Variants in KCNJ16 observed in about 807,000 individuals in gnomAD.
KCNJ16 encodes inward rectifier potassium channel 16.
Under a neutral mutation model 18.5 loss-of-function variants are expected in KCNJ16, and 15 were observed. That is an observed-to-expected ratio of 0.81 (90% CI 0.54 to 1.25). The LOEUF is 1.25. Ranked by LOEUF, KCNJ16 falls within the 50% of genes most tolerant of loss-of-function variation. KCNJ16 has a pLI of 0.00. For synonymous variants in KCNJ16, 174 were observed against 186.5 expected (o/e 0.93, Z 0.55); for missense variants, 523 against 525.7 (o/e 0.99, Z 0.05).
intron 2 of KCNJ16, chr17:70,101,050 T>C (rs773111962): frequency 2.0e-5 from 3 of 152,230 alleles, no homozygotes; most frequent in Admixed American, 1.3e-4. Flanking sequence ...CAGTCTATTA[T>C]ACATTCTGCT....
chr17:70,095,452 A>C (rs528228607), intron 1 of KCNJ16, among the ~76,000 whole-genome samples: 2 of 152,286 alleles, frequency 1.3e-5, no homozygotes, highest in Admixed American at 1.3e-4. Context: ...CCATTTATAG[A>C]GGAAGCCCGG....
At chr17:70,108,277 G>GT (rs1429824374) in intron 2 of KCNJ16, 2 of 152,278 alleles carry the variant, frequency 1.3e-5, no homozygotes, top group Non-Finnish European at 2.9e-5. Flanking sequence ...TTTCTTCTCT[G>GT]TTTTTTCTTT....
chr17:70,097,511 T>G (rs758430742), intron 1 of KCNJ16, among the ~76,000 whole-genome samples: 3 of 152,162 alleles, frequency 2.0e-5, no homozygotes, highest in Non-Finnish European at 4.4e-5. Flanking sequence ...GCACCAGGAA[T>G]GCTTTTTAAA....
intron 1 of KCNJ16, among the ~76,000 whole-genome samples, chr17:70,087,779 GTTGT>G (rs201466162): frequency 0.043 from 6,530 of 152,030 alleles, 114 homozygotes; most frequent in Middle Eastern, 0.061. Context: ...TACCACAAAT[GTTGT>G]TTGTTATTTT....
rs2074173177 is a variant in KCNJ16, at chr17:70,134,795, G to A, written c.*1451G>A. The A allele has an allele frequency of 6.0e-6, 1 of 166,752 alleles. No individual in the cohort carries two copies. Among genetic ancestry groups the A allele is most frequent in the Non-Finnish European group, 1.5e-5 (1 of 68,066 alleles). The allele number at this position is 166,752 out of a possible 1,614,324, so 10.3% of individuals were successfully genotyped here. On this transcript the variant is annotated 3_prime_UTR_variant, in exon 4 of 4. Transcript: ENST00000392671. ...CACACACACAGTTTTTGCTTTTTCTGGAAAATCTTTCTTTCTCTTCTCTCT... is the reference window on the plus strand; with the variant it reads ...CACACACACAGTTTTTGCTTTTTCTAGAAAATCTTTCTTTCTCTTCTCTCT...
intron 1 of KCNJ16, among the ~76,000 whole-genome samples, chr17:70,088,919 TA>T (rs2071960925): frequency 6.6e-6 from 1 of 152,308 alleles, no homozygotes; most frequent in Admixed American, 6.5e-5. Context: ...GTCCTCAGTT[TA>T]AAAAGTCAAT....
At chr17:70,101,899 G>A (rs997663475) in intron 2 of KCNJ16, 9 of 152,080 alleles carry the variant, frequency 5.9e-5, no homozygotes, top group African/African-American at 2.2e-4. Context: ...TTTAGTTAAC[G>A]TTTACTGAAA....
chr17:70,117,674 G>A (rs1018133754), intron 2 of KCNJ16, among the ~76,000 whole-genome samples: 8 of 152,098 alleles, frequency 5.3e-5, no homozygotes, highest in Non-Finnish European at 1.2e-4. Flanking sequence ...AAATTTCCTT[G>A]AGGATAAATA....
chr17:70,089,780 T>C (rs1016186228), intron 1 of KCNJ16, among the ~76,000 whole-genome samples: 1 of 152,232 alleles, frequency 6.6e-6, no homozygotes, highest in African/African-American at 2.4e-5. Context: ...AAAAGTTAGT[T>C]ACTCCAGTAT....
At chr17:70,086,190 C>A (rs1276214233) in intron 1 of KCNJ16, among the ~76,000 whole-genome samples, 4 of 152,230 alleles carry the variant, frequency 2.6e-5, no homozygotes, top group Middle Eastern at 3.4e-3. Context: ...GAAATACTTA[C>A]AATGAGAATT....
intron 2 of KCNJ16, among the ~76,000 whole-genome samples, chr17:70,129,595 T>C (rs2073986259): frequency 6.6e-6 from 1 of 152,218 alleles, no homozygotes; most frequent in Non-Finnish European, 1.5e-5. Flanking sequence ...GATGAGTGTA[T>C]AGACCTAAAC....
chr17:70,096,404 T>G (rs2072374950), intron 1 of KCNJ16, among the ~76,000 whole-genome samples: 1 of 152,180 alleles, frequency 6.6e-6, no homozygotes, highest in South Asian at 2.1e-4. Flanking sequence ...CCATTGAAAT[T>G]CTGCCAATAC....
chr17:70,103,937 C>CTTTT (rs71149820), intron 2 of KCNJ16, among the ~76,000 whole-genome samples: 1 of 132,014 alleles, frequency 7.6e-6, no homozygotes. Flanking sequence ...ATTTTATTAT[C>CTTTT]TTTTTTTTTT....
At chr17:70,107,373 A>G (rs963795136) in intron 2 of KCNJ16, among the ~76,000 whole-genome samples, 1 of 152,202 alleles carries the variant, frequency 6.6e-6, no homozygotes, top group African/African-American at 2.4e-5. Context: ...TTCAAGATGC[A>G]ACACACCCAA....
At chr17:70,093,150 T>G in intron 1 of KCNJ16, among the ~76,000 whole-genome samples, 1 of 152,166 alleles carries the variant, frequency 6.6e-6, no homozygotes, top group South Asian at 2.1e-4. Flanking sequence ...TGAAATAACC[T>G]TTTGGACGCA....
At position 70,085,324 on chromosome 17, in the gene KCNJ16, T is replaced by G. The variant is rs377435895; in HGVS notation, c.-300+9934T>G. 1.3e-4 allele frequency among the ~76,000 whole-genome samples: 20 copies of G among 152,334 alleles called. No individual in the cohort carries two copies. The East Asian group carries it at 1.3e-3, about 10-fold the overall frequency. ...ACCATTCTAAATGCTTTAAAAATAT[T>G]GATTCGGTCTTCATAACAGACTTTA... is the stretch of plus-strand genomic sequence containing the variant. On this transcript the variant is annotated intron_variant, in intron 1 of 3. Transcript: ENST00000392671.
At chr17:70,090,072 T>A (rs1274782037) in intron 1 of KCNJ16, among the ~76,000 whole-genome samples, 1 of 152,204 alleles carries the variant, frequency 6.6e-6, no homozygotes. Context: ...CACCCCAGAT[T>A]TAATCACTTA....
intron 2 of KCNJ16, among the ~76,000 whole-genome samples, chr17:70,110,380 T>C (rs183193702): frequency 3.5e-4 from 53 of 152,228 alleles, no homozygotes; most frequent in Non-Finnish European, 6.9e-4. Flanking sequence ...CCTTTGGTCC[T>C]TCACAGTGAT....
At chr17:70,078,716 C>T (rs185933332) in intron 1 of KCNJ16, among the ~76,000 whole-genome samples, 1 of 152,256 alleles carries the variant, frequency 6.6e-6, no homozygotes, top group East Asian at 1.9e-4. Flanking sequence ...GTCCCTGCCC[C>T]CAGCCTGGCA....
Sources: gnomAD v4.1 joint callset for allele counts (sites outside exome capture counted in the v4.1 genomes callset) on GRCh38, gnomAD v4.1.1 for gene constraint, MANE v1.5 for transcripts, NCBI Gene and HGNC (gene_info 2026-07-23, HGNC 2026-07-21) for gene names.